The following DPEP1 variants were observed in gnomAD, a reference collection of about 807,000 sequenced individuals.
DPEP1 encodes beta-lactamase.
In DPEP1, 50 loss-of-function variants were observed where a neutral mutation model predicts 42.3. That is an observed-to-expected ratio of 1.18 (90% CI 0.94 to 1.50). DPEP1 has a LOEUF of 1.50. DPEP1 is among the 40% of genes most tolerant of loss of function. The probability of loss-of-function intolerance (pLI) is 0.00; values close to 1 mark genes in which losing one functional copy is unlikely to be tolerated. For missense variants in DPEP1, 663 were observed against 553.0 expected (o/e 1.20, Z -1.99); for synonymous variants, 297 against 234.0 (o/e 1.27, Z -2.46).
Position 89,637,710 on chromosome 16 carries a change from A to G in DPEP1, c.929+3A>G. 5 of 1,613,018 alleles carry G rather than the reference A, an allele frequency of 3.1e-6. No homozygotes were observed. The highest frequency in any genetic ancestry group is 3.4e-6 in the Non-Finnish European group (4 of 1,179,948). On this transcript the variant is annotated splice_donor_region_variant and intron_variant, in intron 9 of 10. Transcript: ENST00000690203. ...GGGGACTTTGATGGTGTTCCAAGGT[A>G]AGGGGCTGAGAGCTCTGTCCTGTGG...
At chr16:89,626,157 C>G (rs1253974525) in intron 1 of DPEP1, among the ~76,000 whole-genome samples, 1 of 152,182 alleles carries the variant, frequency 6.6e-6, no homozygotes, top group Non-Finnish European at 1.5e-5. Flanking sequence ...TCATGTTGCA[C>G]TGGGCACTGA....
Position 89,638,144 on chromosome 16 carries a change from G to C in DPEP1, c.1158G>C (p.Gly386=). The C allele has an allele frequency of 6.2e-7, 1 of 1,611,132 alleles. No individual in the cohort carries two copies. ...GGACCCATTACGGCTACTCCTCTGG[G>C]GCTTCCAGCCTCCATCGCCACTGGG... ...SCRTHYGYSS[G]ASSLHRHWGL... The change falls in exon 11 of 11, where the codon GGG becomes GGC. Residue 386 remains glycine, a synonymous_variant. Coordinates refer to ENST00000690203, the MANE Select transcript of DPEP1 (RefSeq NM_001389466.1).
At chr16:89,627,325 G>GT in intron 1 of DPEP1, among the ~76,000 whole-genome samples, 1 of 150,320 alleles carries the variant, frequency 6.7e-6, no homozygotes, top group East Asian at 2.0e-4. Flanking sequence ...GCTCACACCT[G>GT]TAATCCCAGC....
At chr16:89,621,198 AG>A (rs2059443176) in intron 1 of DPEP1, among the ~76,000 whole-genome samples, 1 of 151,322 alleles carries the variant, frequency 6.6e-6, no homozygotes, top group African/African-American at 2.4e-5. Flanking sequence ...CCTGTTGGGA[AG>A]TCCCTGAGAA....
At chr16:89,633,476 C>T (rs754521386) in intron 2 of DPEP1, among the ~76,000 whole-genome samples, 17 of 152,258 alleles carry the variant, frequency 1.1e-4, no homozygotes, top group Non-Finnish European at 1.3e-4. Flanking sequence ...CTTCTTTCCC[C>T]TGAGGAGCTC....
At chr16:89,631,840 G>A (rs954479920) in intron 2 of DPEP1, among the ~76,000 whole-genome samples, 1 of 152,152 alleles carries the variant, frequency 6.6e-6, no homozygotes, top group Non-Finnish European at 1.5e-5. Context: ...CTGGGCAACA[G>A]AGTGAGACTC....
chr16:89,633,915 C>T (rs941687545), intron 2 of DPEP1, among the ~76,000 whole-genome samples: 4 of 152,054 alleles, frequency 2.6e-5, no homozygotes, highest in Admixed American at 6.6e-5. Context: ...AGACTGAGGC[C>T]CCAGACCCAG....
At chr16:89,621,480 G>A (rs1407308136) in intron 1 of DPEP1, among the ~76,000 whole-genome samples, 1 of 152,204 alleles carries the variant, frequency 6.6e-6, no homozygotes, top group Non-Finnish European at 1.5e-5. Flanking sequence ...AGAAGAGAGA[G>A]TCCGGGGCTG....
chr16:89,614,723 A>T (rs1202691137), intron 1 of DPEP1, among the ~76,000 whole-genome samples: 1 of 152,202 alleles, frequency 6.6e-6, no homozygotes, highest in Non-Finnish European at 1.5e-5. Context: ...TGAACCCGGG[A>T]GGCGGAGGTT....
At chr16:89,630,037 A>G (rs1004177363) in intron 1 of DPEP1, among the ~76,000 whole-genome samples, 1 of 152,138 alleles carries the variant, frequency 6.6e-6, no homozygotes, top group Non-Finnish European at 1.5e-5. Context: ...GCTAGAGCCA[A>G]CAGCCACTCA....
chr16:89,626,258 C>T (rs1316666383), intron 1 of DPEP1, among the ~76,000 whole-genome samples: 1 of 152,212 alleles, frequency 6.6e-6, no homozygotes, highest in Non-Finnish European at 1.5e-5. Flanking sequence ...GAGAGACCCG[C>T]TGGAGGTGAG....
At chr16:89,613,509 C>T (rs1478518635), upstream of DPEP1, 2 of 152,474 alleles carry the variant, frequency 1.3e-5, no homozygotes, top group African/African-American at 4.8e-5. Context: ...CCTTTCTCTC[C>T]AACCTTCCCC....
intron 1 of DPEP1, among the ~76,000 whole-genome samples, chr16:89,618,054 C>A (rs2059399720): frequency 6.6e-6 from 1 of 151,990 alleles, no homozygotes; most frequent in African/African-American, 2.4e-5. Context: ...AATAAAAAAT[C>A]ATCATTCTAA....
intron 1 of DPEP1, among the ~76,000 whole-genome samples, chr16:89,629,450 C>T (rs890843552): frequency 3.3e-5 from 5 of 152,058 alleles, no homozygotes; most frequent in African/African-American, 1.2e-4. Flanking sequence ...TGCAGTGAGC[C>T]GAGAGGGAGC....
Position 89,636,377 on chromosome 16 carries a change from G to A in DPEP1, c.351G>A (p.Leu117=), listed in dbSNP as rs771600698. ...RMCRMYPETF[L]YVTSSAGIRQ... is the part of the protein sequence containing the mutation. ...GCCGGATGTACCCGGAGACCTTCCT[G>A]TATGTCACCAGCAGTGCAGGTGGGG... The change falls in exon 4 of 11, where the codon CTG becomes CTA. Residue 117 remains leucine, a synonymous_variant. Coordinates refer to ENST00000690203, the MANE Select transcript of DPEP1 (RefSeq NM_001389466.1). The A allele has an allele frequency of 1.2e-6, 2 of 1,612,256 alleles. No individual in the cohort carries two copies. Among genetic ancestry groups the A allele is most frequent in the African/African-American group, 1.3e-5 (1 of 74,912 alleles).
rs763897664 is a variant in DPEP1, at chr16:89,636,347, C to T, written c.321C>T (p.Arg107=). The part of the protein sequence containing the change: ...RTLEQMDVVH[R]MCRMYPETFL... Reference sequence around the variant, plus strand: ...TGGAGCAGATGGACGTGGTCCACCGCATGTGCCGGATGTACCCGGAGACCT... The same window carrying T: ...TGGAGCAGATGGACGTGGTCCACCGTATGTGCCGGATGTACCCGGAGACCT... The change falls in exon 4 of 11, where the codon CGC becomes CGT. Residue 107 remains arginine (R), a synonymous_variant. Coordinates refer to ENST00000690203, the MANE Select transcript of DPEP1 (RefSeq NM_001389466.1). 16 of 1,612,544 alleles carry T rather than the reference C, an allele frequency of 9.9e-6. No homozygotes were observed. Among genetic ancestry groups the T allele is most frequent in the Non-Finnish European group, 1.7e-6 (2 of 1,179,928 alleles).
chr16:89,628,864 T>C (rs2059549641), intron 1 of DPEP1, among the ~76,000 whole-genome samples: 1 of 152,068 alleles, frequency 6.6e-6, no homozygotes, highest in Non-Finnish European at 1.5e-5. Context: ...TCTTGATCTG[T>C]TGCCCAGGCT....
intron 6 of DPEP1, 69 bp downstream of exon 6, chr16:89,637,004 A>G: frequency 3.1e-6 from 5 of 1,589,056 alleles, no homozygotes; most frequent in African/African-American, 1.3e-5. Flanking sequence ...GACCAGAACA[A>G]TGCATCTCCT....
downstream of DPEP1, among the ~76,000 whole-genome samples, chr16:89,640,232 G>A (rs914290852): frequency 2.0e-5 from 3 of 152,212 alleles, no homozygotes; most frequent in Non-Finnish European, 4.4e-5. Context: ...AGGGCCCTGG[G>A]GGTGAGGGGA....
Sources: allele counts gnomAD v4.1 joint callset (sites outside exome capture counted in the v4.1 genomes callset), GRCh38; gene constraint gnomAD v4.1.1; transcripts MANE v1.5; gene names NCBI Gene and HGNC (gene_info 2026-07-23, HGNC 2026-07-21).